MALRD1: variants seen among roughly 807,000 people sequenced by gnomAD.
The protein encoded by MALRD1 is MAM and LDL-receptor class A domain-containing protein 1.
MALRD1 carries 247 observed loss-of-function variants against 242.1 expected under a neutral mutation model. The ratio of observed to expected loss-of-function variants is 1.02; its 90% CI spans 0.92 to 1.13. MALRD1 has a LOEUF of 1.13. Among genes scored for constraint, MALRD1 ranks in the 50% most tolerant of loss-of-function variants. The probability of loss-of-function intolerance (pLI) is 0.00; values close to 1 mark genes in which losing one functional copy is unlikely to be tolerated. For synonymous variants in MALRD1, 995 were observed against 866.6 expected (o/e 1.15, Z -2.60); for missense variants, 2,989 against 2,533.1 (o/e 1.18, Z -3.86).
In MALRD1 at chr10:19,518,793, T is replaced by G. The variant is rs17793004; in HGVS notation, c.5321-12401T>G. Among the ~76,000 whole-genome samples the G allele has an allele frequency of 2.6e-3, 400 of 152,328 alleles. 7 individuals carry two copies. The East Asian group carries it at 0.05, about 19-fold the overall frequency. On this transcript the variant is annotated intron_variant, in intron 31 of 39. Transcript: ENST00000454679. ...CTTCCTAAATAGAACAAACTTTGGC[T>G]TACTACATAATTGGTTTCAATTTTA...
chr10:19,362,031 G>A (rs1844917011), intron 26 of MALRD1, among the ~76,000 whole-genome samples: 1 of 152,178 alleles, frequency 6.6e-6, no homozygotes, highest in Admixed American at 6.6e-5. Context: ...GCAATCTGAT[G>A]AGTCAAATCC....
At chr10:19,590,832 A>G (rs1837740014) in intron 33 of MALRD1, among the ~76,000 whole-genome samples, 1 of 152,082 alleles carries the variant, frequency 6.6e-6, no homozygotes, top group South Asian at 2.1e-4. Context: ...CCCTGCTATT[A>G]ACATTCTGCA....
rs1842059687 is a variant in MALRD1, at chr10:19,674,603, TA to T, written c.6138-17676del. 3.3e-5 allele frequency among the ~76,000 whole-genome samples: 5 copies of T among 152,222 alleles called. No individual in the cohort carries two copies. The South Asian group carries it at 1.0e-3, about 32-fold the overall frequency. ...GTGCTTTTATGTATATTTCAAGTGA[TA>T]AAGAGAAAACATGAATAAGATCTTA... On this transcript the variant is annotated intron_variant, in intron 36 of 39. Coordinates refer to ENST00000454679, the MANE Select transcript of MALRD1 (RefSeq NM_001142308.3).
chr10:19,368,890 TTTGTG>T (rs751913455), intron 26 of MALRD1, among the ~76,000 whole-genome samples: 23,094 of 141,894 alleles, frequency 0.16, 1,941 homozygotes, highest in African/African-American at 0.19. Flanking sequence ...TGTGTGTGTG[TTTGTG>T]TGTGTGTGTG....
intron 2 of MALRD1, among the ~76,000 whole-genome samples, chr10:19,073,756 A>T (rs931103590): frequency 6.6e-6 from 1 of 152,170 alleles, no homozygotes; most frequent in African/African-American, 2.4e-5. Context: ...CTGAACCTGT[A>T]TTAAGTTACA....
At chr10:19,666,523 C>G (rs1233024981) in intron 36 of MALRD1, among the ~76,000 whole-genome samples, 1 of 152,198 alleles carries the variant, frequency 6.6e-6, no homozygotes, top group Non-Finnish European at 1.5e-5. Flanking sequence ...TCATAATTTT[C>G]CTCATCTTCC....
intron 36 of MALRD1, among the ~76,000 whole-genome samples, chr10:19,680,973 C>A (rs1265171638): frequency 1.3e-5 from 2 of 152,128 alleles, no homozygotes; most frequent in African/African-American, 4.8e-5. Context: ...TATTGGCCTC[C>A]CGATATCTTT....
chr10:19,365,215 C>T (rs1845054304), intron 26 of MALRD1, among the ~76,000 whole-genome samples: 1 of 152,042 alleles, frequency 6.6e-6, no homozygotes. Flanking sequence ...TCATTTGTCT[C>T]TATTTACATC....
chr10:19,601,080 C>T (rs1838318011), intron 34 of MALRD1, among the ~76,000 whole-genome samples: 1 of 151,936 alleles, frequency 6.6e-6, no homozygotes, highest in Non-Finnish European at 1.5e-5. Context: ...TAGGGTCTTG[C>T]TAGGTGGCTC....
chr10:19,377,806 A>G lies in MALRD1; in HGVS notation c.4442-9722A>G, dbSNP rs959093541. The stretch of plus-strand genomic sequence containing the variant: ...ATTTTGTTTGCATTGCCAGTATTCT[A>G]TAAGCAAATTAATAAACCTAAACTT... On this transcript the variant is annotated intron_variant, in intron 26 of 39. Coordinates refer to ENST00000454679, the MANE Select transcript of MALRD1 (RefSeq NM_001142308.3). Among the ~76,000 whole-genome samples the G allele has an allele frequency of 5.9e-5, 9 of 152,112 alleles. No individual in the cohort carries two copies. The South Asian group carries it at 6.2e-4, about 10-fold the overall frequency.
At chr10:19,528,407 A>ATCTCCTGGGTTTCATCATC (rs1466097391) in intron 31 of MALRD1, among the ~76,000 whole-genome samples, 1 of 152,164 alleles carries the variant, frequency 6.6e-6, no homozygotes, top group Non-Finnish European at 1.5e-5. Flanking sequence ...ATCCTGGGCA[A>ATCTCCTGGGTTTCATCATC]CATGGTGAAA....
chr10:19,109,621 A>G (rs138570282), intron 5 of MALRD1, among the ~76,000 whole-genome samples: 3 of 152,334 alleles, frequency 2.0e-5, no homozygotes, highest in Non-Finnish European at 2.9e-5. Flanking sequence ...GTAGATAGCT[A>G]TAGCTTCTTG....
intron 23 of MALRD1, among the ~76,000 whole-genome samples, chr10:19,330,317 C>A (rs1417843821): frequency 1.3e-5 from 2 of 149,534 alleles, no homozygotes; most frequent in East Asian, 2.0e-4. Flanking sequence ...TAGGTTCACA[C>A]AATAGTATAA....
intron 36 of MALRD1, among the ~76,000 whole-genome samples, chr10:19,688,283 T>C (rs1273582878): frequency 6.6e-6 from 1 of 151,360 alleles, no homozygotes; most frequent in African/African-American, 2.4e-5. Context: ...TTATTATTAT[T>C]ATCTGAGACA....
intron 29 of MALRD1, among the ~76,000 whole-genome samples, chr10:19,453,313 C>A (rs1835428747): frequency 6.6e-6 from 1 of 152,054 alleles, no homozygotes; most frequent in Non-Finnish European, 1.5e-5. Context: ...ACAGAACAGA[C>A]AAATGTATAG....
intron 5 of MALRD1, among the ~76,000 whole-genome samples, chr10:19,105,792 A>AT (rs1836442261): frequency 6.6e-6 from 1 of 151,850 alleles, no homozygotes; most frequent in Non-Finnish European, 1.5e-5. Context: ...GATGCTGATA[A>AT]TTTTTTTCAT....
intron 22 of MALRD1, among the ~76,000 whole-genome samples, chr10:19,324,610 A>T (rs71497271): frequency 0.26 from 27,912 of 107,724 alleles, 2,715 homozygotes; most frequent in African/African-American, 0.34. Context: ...TTTTTTTTTT[A>T]AAAAAAAACG....
intron 7 of MALRD1, among the ~76,000 whole-genome samples, 199 bp downstream of exon 7, chr10:19,124,869 A>C (rs1837197993): frequency 6.6e-6 from 1 of 150,424 alleles, no homozygotes; most frequent in Non-Finnish European, 1.5e-5. Flanking sequence ...CTAGGTTAAC[A>C]ATATTTTTTA....
chr10:19,427,563 A>G (rs2130934494), intron 28 of MALRD1, among the ~76,000 whole-genome samples: 3 of 152,244 alleles, frequency 2.0e-5, no homozygotes, highest in Non-Finnish European at 4.4e-5. Context: ...GGTAGCACGG[A>G]CATCAAATTC....
Sources: gnomAD v4.1 joint callset for allele counts (sites outside exome capture counted in the v4.1 genomes callset) on GRCh38, gnomAD v4.1.1 for gene constraint, MANE v1.5 for transcripts, NCBI Gene and HGNC (gene_info 2026-07-23, HGNC 2026-07-21) for gene names.